Variants in KIF3B observed in about 807,000 individuals in gnomAD.
KIF3B encodes the protein kinesin-like protein KIF3B.
A neutral mutation model predicts 74.3 loss-of-function variants in KIF3B; 38 were observed. The observed-to-expected ratio is 0.51, with a 90% CI of 0.39 to 0.67. The LOEUF (loss-of-function observed/expected upper bound fraction) is 0.67, where lower values mean the gene tolerates loss of function less well. Ranked by LOEUF, KIF3B falls within the 30% of genes least tolerant of loss-of-function variation. KIF3B has a pLI of 0.00. For missense variants in KIF3B, 649 were observed against 932.0 expected (o/e 0.70, Z 3.95); for synonymous variants, 326 against 342.5 (o/e 0.95, Z 0.53).
chr20:32,323,148 ATATT>A (rs1399996022), intron 5 of KIF3B, among the ~76,000 whole-genome samples: 3 of 39,162 alleles, frequency 7.7e-5, no homozygotes, highest in Non-Finnish European at 1.1e-4. Flanking sequence ...ATATATTTAT[ATATT>A]TATATTTATA....
intron 2 of KIF3B, among the ~76,000 whole-genome samples, chr20:32,311,898 G>T (rs2047802482): frequency 1.3e-5 from 2 of 151,102 alleles, no homozygotes; most frequent in East Asian, 1.9e-4. Context: ...TGCCATCCGG[G>T]TTCAAGTGAT....
intron 6 of KIF3B, among the ~76,000 whole-genome samples, chr20:32,327,304 G>C (rs575536788): frequency 1.3e-5 from 2 of 152,256 alleles, no homozygotes; most frequent in African/African-American, 2.4e-5. Context: ...ATGCAGAGGT[G>C]GGGGGTGTTG....
intron 1 of KIF3B, among the ~76,000 whole-genome samples, chr20:32,298,158 C>T (rs538739163): frequency 6.6e-6 from 1 of 150,680 alleles, no homozygotes; most frequent in African/African-American, 2.4e-5. Context: ...AAAATTCAGG[C>T]CTGGTGCAAT....
intron 1 of KIF3B, among the ~76,000 whole-genome samples, chr20:32,294,685 C>A (rs2047708460): frequency 6.6e-6 from 1 of 152,158 alleles, no homozygotes; most frequent in Non-Finnish European, 1.5e-5. Context: ...GAAACTGTGA[C>A]TTAGTTTCTT....
chr20:32,315,508 C>T (rs2047822591), intron 2 of KIF3B, among the ~76,000 whole-genome samples: 1 of 152,062 alleles, frequency 6.6e-6, no homozygotes, highest in African/African-American at 2.4e-5. Flanking sequence ...AATTCAAGAC[C>T]AGCCCAGACA....
At chr20:32,287,226 G>A (rs2047671144) in intron 1 of KIF3B, among the ~76,000 whole-genome samples, 1 of 152,074 alleles carries the variant, frequency 6.6e-6, no homozygotes, top group Non-Finnish European at 1.5e-5. Flanking sequence ...ATGTTGCTCA[G>A]GCTGGTCTCA....
intron 1 of KIF3B, among the ~76,000 whole-genome samples, chr20:32,295,385 C>G (rs182873861): frequency 6.6e-6 from 1 of 152,116 alleles, no homozygotes; most frequent in Non-Finnish European, 1.5e-5. Flanking sequence ...CTCCGCCTCC[C>G]GGGTTCACAC....
rs1279249323 is a variant in KIF3B, at chr20:32,327,681, G to A, written c.1968+20G>A. The stretch of plus-strand genomic sequence containing the variant: ...TATAGGGTGAGAAGATCCTTCTTGG[G>A]TTTTTCTCCTGTCTCTTTTGGAGTC... On this transcript the variant is annotated intron_variant, in intron 7 of 8. Coordinates refer to ENST00000375712, the MANE Select transcript of KIF3B (RefSeq NM_004798.4). 2 of 1,585,096 alleles carry A rather than the reference G, an allele frequency of 1.3e-6. No homozygotes were observed. Among genetic ancestry groups the A allele is most frequent in the Middle Eastern group, 3.3e-4 (2 of 5,998 alleles).
chr20:32,308,726 C>CT (rs72491023), intron 1 of KIF3B, among the ~76,000 whole-genome samples: 8,517 of 130,504 alleles, frequency 0.065, 714 homozygotes, highest in African/African-American at 0.19. Flanking sequence ...TTTTATTTTA[C>CT]TTTTTTTTTT....
chr20:32,297,231 G>A (rs2047721225), intron 1 of KIF3B, among the ~76,000 whole-genome samples: 2 of 152,206 alleles, frequency 1.3e-5, no homozygotes, highest in South Asian at 4.1e-4. Flanking sequence ...TGATCTTAGA[G>A]GACATTGCTT....
rs774551489 is a variant in KIF3B at position 32,331,527 on chromosome 20, A to G, written c.*208A>G. On this transcript the variant is annotated 3_prime_UTR_variant, in exon 9 of 9. Coordinates refer to ENST00000375712, the MANE Select transcript of KIF3B (RefSeq NM_004798.4). ...CCCCTCTGGGAAACATCTTTTAATT[A>G]GCATCTCAGAAATGCATGGGTAAGG... The G allele has an allele frequency of 1.8e-6, 1 of 554,152 alleles. No individual in the cohort carries two copies. Among genetic ancestry groups the G allele is most frequent in the Admixed American group, 3.6e-5 (1 of 27,856 alleles). The allele number at this position is 554,152 out of a possible 1,614,324, so 34.3% of individuals were successfully genotyped here. A position where few individuals can be genotyped will look rare whatever the true frequency, so the allele number is the denominator to read the frequency against.
At position 32,327,642 on chromosome 20, in the gene KIF3B, G is replaced by T; in HGVS notation, c.1949G>T (p.Arg650Leu). The T allele has an allele frequency of 6.2e-7, 1 of 1,613,060 alleles. No individual in the cohort carries two copies. Among genetic ancestry groups the T allele is most frequent in the South Asian group, 1.1e-5 (1 of 91,072 alleles). Reference protein sequence around the residue: ...SQHARMSMMIRPEARYRAENI... With the variant: ...SQHARMSMMILPEARYRAENI... ...CACGCAAGAATGTCCATGATGATTC[G>T]TCCAGAGGCCCGATATAGGGTGAGA... The change falls in exon 7 of 9, where the codon CGT becomes CTT. Residue 650 changes from arginine (R) to leucine (L), a missense_variant. Arg to Leu is a moderately radical substitution (Grantham distance 102). Transcript: ENST00000375712.
At position 32,277,759 on chromosome 20, in the gene KIF3B, G is replaced by A. The variant is rs895333636; in HGVS notation, c.-72G>A. ...CCGCCGCCGCCCGCTTTCGGCTCGG[G>A]CCTCAGGTGAGTCGGAGGGGCCGGG... On this transcript the variant is annotated 5_prime_UTR_variant, in exon 1 of 9. Coordinates refer to ENST00000375712, the MANE Select transcript of KIF3B (RefSeq NM_004798.4). 3 of 249,310 alleles carry A rather than the reference G, an allele frequency of 1.2e-5. No individual in the cohort carries two copies. The highest frequency in any genetic ancestry group is 2.2e-5 in the Non-Finnish European group (3 of 135,914). 15.4% of individuals were successfully genotyped at this position (249,310 alleles called of 1,614,324 possible). A position where few individuals can be genotyped will look rare whatever the true frequency, so the allele number is the denominator to read the frequency against.
At chr20:32,293,229 G>C (rs1230138706) in intron 1 of KIF3B, among the ~76,000 whole-genome samples, 2 of 152,144 alleles carry the variant, frequency 1.3e-5, no homozygotes, top group African/African-American at 4.8e-5. Context: ...ACTCCAGCCT[G>C]GGCAACTGAG....
chr20:32,325,470 G>A (rs964355040), intron 5 of KIF3B, among the ~76,000 whole-genome samples: 3 of 151,858 alleles, frequency 2.0e-5, no homozygotes, highest in Non-Finnish European at 4.4e-5. Context: ...GATTACAGGT[G>A]TGAGCCACTG....
chr20:32,318,742 A>G (rs552947014), intron 5 of KIF3B, among the ~76,000 whole-genome samples: 1 of 152,248 alleles, frequency 6.6e-6, no homozygotes, highest in South Asian at 2.1e-4. Context: ...ATACATTCCG[A>G]TTATTTCTAG....
rs1246682171 is a variant in KIF3B at position 32,310,529 on chromosome 20, G to A, written c.752G>A (p.Arg251Gln). 3.1e-6 allele frequency: 5 copies of A among 1,613,714 alleles called. No homozygotes were observed. Among genetic ancestry groups the A allele is most frequent in the Non-Finnish European group, 4.2e-6 (5 of 1,180,006 alleles). Reference protein sequence around the residue: ...LNLVDLAGSERQAKTGAQGER... With the variant: ...LNLVDLAGSEQQAKTGAQGER... ...CTTGTAGATCTTGCTGGCAGCGAACGGCAAGCCAAGACCGGCGCACAAGGG... is the reference window on the plus strand; with the variant it reads ...CTTGTAGATCTTGCTGGCAGCGAACAGCAAGCCAAGACCGGCGCACAAGGG... Residue 251 changes from arginine to glutamine, a missense_variant, in exon 2 of 9, where the codon CGG becomes CAG. Physicochemically the swap from Arg to Gln is conservative, Grantham distance 43. Transcript: ENST00000375712. The surrounding 1 kb of genome is among the most constrained non-coding windows in gnomAD (Gnocchi z 6.5).
chr20:32,305,428 G>A (rs941151622), intron 1 of KIF3B, among the ~76,000 whole-genome samples: 1 of 151,912 alleles, frequency 6.6e-6, no homozygotes, highest in African/African-American at 2.4e-5. Flanking sequence ...ATATATACCG[G>A]TAAAGTACTC....
At position 32,329,444 on chromosome 20, in the gene KIF3B, G is replaced by T. The variant is rs139988120; in HGVS notation, c.1969-697G>T. Among the ~76,000 whole-genome samples, 1,448 of 150,398 alleles carry T rather than the reference G, an allele frequency of 9.6e-3. 30 individuals carry two copies. Among genetic ancestry groups the T allele is most frequent in the African/African-American group, 0.033 (1,364 of 40,920 alleles). The stretch of plus-strand genomic sequence containing the variant: ...AGCTCGCTGTATCCTCAGACTCCTC[G>T]GCTCAAGTGATCCTCCTGCCTTGGC... On this transcript the variant is annotated intron_variant, in intron 7 of 8. Coordinates refer to ENST00000375712, the MANE Select transcript of KIF3B (RefSeq NM_004798.4).
Sources: allele counts gnomAD v4.1 joint callset (sites outside exome capture counted in the v4.1 genomes callset), GRCh38; gene constraint gnomAD v4.1.1; non-coding constraint Gnocchi (gnomAD v3.1); transcripts MANE v1.5; gene names NCBI Gene and HGNC (gene_info 2026-07-23, HGNC 2026-07-21).